The following PCSK6 variants were observed in gnomAD, a reference collection of about 807,000 sequenced individuals.
The protein encoded by PCSK6 is paired basic amino acid cleaving enzyme 4.
In PCSK6, 85 loss-of-function variants were observed where a neutral mutation model predicts 123.3. The ratio of observed to expected loss-of-function variants is 0.69; its 90% CI spans 0.58 to 0.83. The LOEUF (loss-of-function observed/expected upper bound fraction) is 0.83. Ranked by LOEUF, PCSK6 falls within the 40% of genes least tolerant of loss-of-function variation. The pLI is 0.00. For missense variants in PCSK6, 1,191 were observed against 1,282.3 expected, an observed-to-expected ratio of 0.93 and a Z score of 1.09; for synonymous variants, 508 against 516.0, an observed-to-expected ratio of 0.98 and a Z score of 0.21.
chr15:101,476,662 G>A (rs2057739574), intron 1 of PCSK6, among the ~76,000 whole-genome samples: 1 of 152,138 alleles, frequency 6.6e-6, no homozygotes, highest in South Asian at 2.1e-4. Context: ...TGTGTGAACA[G>A]TGGTGACATC....
chr15:101,335,896 A>G (rs767287114), intron 13 of PCSK6, among the ~76,000 whole-genome samples: 1 of 152,248 alleles, frequency 6.6e-6, no homozygotes, highest in Non-Finnish European at 1.5e-5. Flanking sequence ...CCCAGGCCAC[A>G]AACCTGTGCA....
intron 8 of PCSK6, among the ~76,000 whole-genome samples, chr15:101,391,653 G>A (rs909829872): frequency 2.0e-5 from 3 of 152,244 alleles, no homozygotes; most frequent in African/African-American, 7.2e-5. Flanking sequence ...GACAGAGAAT[G>A]CAGGCGGACA....
intron 8 of PCSK6, among the ~76,000 whole-genome samples, chr15:101,392,244 GGGTGCGTACTCCAGC>G (rs1401682404): frequency 3.3e-5 from 5 of 152,186 alleles, no homozygotes; most frequent in Admixed American, 1.3e-4. Flanking sequence ...CCCGTCCCAG[GGGTGCGTACTCCAGC>G]AGAAAAGGAA....
intron 2 of PCSK6, among the ~76,000 whole-genome samples, chr15:101,434,686 G>T (rs543209676): frequency 6.6e-6 from 1 of 152,328 alleles, no homozygotes; most frequent in South Asian, 2.1e-4. Flanking sequence ...GGCAAGTGAG[G>T]TGCTCTCAGG....
intron 1 of PCSK6, among the ~76,000 whole-genome samples, chr15:101,472,438 T>C (rs193160615): frequency 5.9e-5 from 9 of 152,342 alleles, no homozygotes; most frequent in African/African-American, 2.2e-4. Context: ...TGCAGAAACA[T>C]GGCCCAAGCT....
chr15:101,437,383 C>G (rs2056631350), intron 2 of PCSK6, among the ~76,000 whole-genome samples: 1 of 152,336 alleles, frequency 6.6e-6, no homozygotes, highest in South Asian at 2.1e-4. Context: ...GGCAAACACA[C>G]AGCGGGAACC....
At chr15:101,329,430 T>C (rs910989276) in intron 15 of PCSK6, among the ~76,000 whole-genome samples, 2 of 152,200 alleles carry the variant, frequency 1.3e-5, no homozygotes, top group Non-Finnish European at 2.9e-5. Context: ...CTTGGGCCGA[T>C]TAATTGCAGA....
In PCSK6 at chr15:101,426,885, C is replaced by T. The variant is rs572210831; in HGVS notation, c.823+1007G>A. ...CAGTGGCAGGATGGCAGTGCCCCCCCGGGAAGGTGGTTTCCCACTGCAGCC... is the reference window on the plus strand; with the variant it reads ...CAGTGGCAGGATGGCAGTGCCCCCCTGGGAAGGTGGTTTCCCACTGCAGCC... On this transcript the variant is annotated intron_variant, in intron 6 of 21. Coordinates refer to ENST00000611716, the MANE Select transcript of PCSK6 (RefSeq NM_002570.5). 2.0e-5 allele frequency among the ~76,000 whole-genome samples: 3 copies of T among 152,104 alleles called. No individual in the cohort carries two copies. The East Asian group carries it at 5.8e-4, about 29-fold the overall frequency.
intron 13 of PCSK6, among the ~76,000 whole-genome samples, chr15:101,356,918 C>T (rs113419513): frequency 0.034 from 5,109 of 152,212 alleles, 194 homozygotes; most frequent in African/African-American, 0.098. Flanking sequence ...TTAAAAATGG[C>T]TTTAAAACTA....
rs560758820 is a variant in PCSK6, at chr15:101,367,047, G to A, written c.1722-715C>T. Among the ~76,000 whole-genome samples, 15 of 152,250 alleles carry A rather than the reference G, an allele frequency of 9.9e-5. No individual in the cohort carries two copies. The South Asian group carries it at 2.3e-3, about 23-fold the overall frequency. ...GGAATGGGAGGGGCCCGTGGAGAGCGGGGGGAGGAGACAGCTCCCCCACCC... is the reference window on the plus strand; with the variant it reads ...GGAATGGGAGGGGCCCGTGGAGAGCAGGGGGAGGAGACAGCTCCCCCACCC... On this transcript the variant is annotated intron_variant, in intron 12 of 21. Transcript: ENST00000611716.
intron 11 of PCSK6, among the ~76,000 whole-genome samples, chr15:101,379,650 A>G (rs1294379613): frequency 6.6e-6 from 1 of 152,250 alleles, no homozygotes; most frequent in Non-Finnish European, 1.5e-5. Context: ...AATGAGGCCA[A>G]GAGAGTAGAC....
At chr15:101,415,418 C>T (rs2055854262) in intron 6 of PCSK6, among the ~76,000 whole-genome samples, 1 of 152,224 alleles carries the variant, frequency 6.6e-6, no homozygotes, top group Non-Finnish European at 1.5e-5. Flanking sequence ...AGCTTCTAAG[C>T]TTTCATAGAA....
chr15:101,333,477 C>T (rs1231039384), intron 13 of PCSK6, among the ~76,000 whole-genome samples: 2 of 152,222 alleles, frequency 1.3e-5, no homozygotes, highest in African/African-American at 2.4e-5. Context: ...CTCTTCCTTT[C>T]CTGCCATGGG....
At chr15:101,356,094 T>C (rs2041031674) in intron 13 of PCSK6, among the ~76,000 whole-genome samples, 1 of 152,234 alleles carries the variant, frequency 6.6e-6, no homozygotes, top group South Asian at 2.1e-4. Flanking sequence ...ACTTTCTGCA[T>C]TCTGGGTCCA....
At chr15:101,417,638 G>T (rs1213581580) in intron 6 of PCSK6, among the ~76,000 whole-genome samples, 3 of 152,026 alleles carry the variant, frequency 2.0e-5, no homozygotes, top group African/African-American at 7.2e-5. Flanking sequence ...GATGAAAGGA[G>T]AATGTATGAT....
chr15:101,479,573 T>C (rs1487355025), intron 1 of PCSK6, among the ~76,000 whole-genome samples: 1 of 152,160 alleles, frequency 6.6e-6, no homozygotes, highest in Non-Finnish European at 1.5e-5. Flanking sequence ...CGGACAGGGC[T>C]GTGGTCGGTG....
At chr15:101,330,013 A>T (rs2040340974) in intron 15 of PCSK6, among the ~76,000 whole-genome samples, 1 of 152,214 alleles carries the variant, frequency 6.6e-6, no homozygotes, top group African/African-American at 2.4e-5. Flanking sequence ...GGGACAGCCC[A>T]GGGTCTGCTC....
At chr15:101,431,949 T>C (rs369995391) in intron 3 of PCSK6, 41 bp downstream of exon 3, 1 of 1,401,910 alleles carries the variant, frequency 7.1e-7, no homozygotes. Context: ...GACCTGGCAG[T>C]GCAAGTGTCC....
intron 2 of PCSK6, 30 bp downstream of exon 2, chr15:101,443,526 C>A (rs1335607626): frequency 2.5e-5 from 37 of 1,493,694 alleles, no homozygotes; most frequent in Non-Finnish European, 3.3e-5. Flanking sequence ...AACCCTCCAG[C>A]CCTTAGGAAA....
Sources: allele counts gnomAD v4.1 joint callset (sites outside exome capture counted in the v4.1 genomes callset), GRCh38; gene constraint gnomAD v4.1.1; transcripts MANE v1.5; gene names NCBI Gene and HGNC (gene_info 2026-07-23, HGNC 2026-07-21).